Variants in RBFOX1 observed in about 807,000 individuals in gnomAD.
RBFOX1 encodes RNA binding protein fox-1 homolog 1.
Under a neutral mutation model 57.7 loss-of-function variants are expected in RBFOX1, and 8 were observed. The ratio of observed to expected loss-of-function variants is 0.14; its 90% CI spans 0.08 to 0.25. The LOEUF (loss-of-function observed/expected upper bound fraction) is 0.25, where lower values mean the gene tolerates loss of function less well. Ranked by LOEUF, RBFOX1 falls within the 10% of genes least tolerant of loss-of-function variation. The pLI, the probability that RBFOX1 is intolerant of heterozygous loss-of-function variation, is 1.00. For synonymous variants in RBFOX1, 326 were observed against 222.4 expected, an observed-to-expected ratio of 1.47 and a Z score of -4.15; for missense variants, 611 against 548.5, an observed-to-expected ratio of 1.11 and a Z score of -1.14.
chr16:7,255,326 G>C (rs1199931819), intron 4 of RBFOX1, among the ~76,000 whole-genome samples: 8 of 152,156 alleles, frequency 5.3e-5, no homozygotes, highest in African/African-American at 1.9e-4. Context: ...AGTACAAAAA[G>C]ATTTCGTTAA....
intron 1 of RBFOX1, among the ~76,000 whole-genome samples, chr16:5,249,572 G>A (rs2062393285): frequency 6.6e-6 from 1 of 152,332 alleles, no homozygotes; most frequent in Non-Finnish European, 1.5e-5. Context: ...TGGACTCTTG[G>A]AATTGGGCCA....
chr16:7,084,855 C>T (rs1262758533), intron 4 of RBFOX1, among the ~76,000 whole-genome samples: 1 of 152,014 alleles, frequency 6.6e-6, no homozygotes, highest in Non-Finnish European at 1.5e-5. Context: ...GTCTGTCTTT[C>T]TGTCTATCTA....
intron 3 of RBFOX1, among the ~76,000 whole-genome samples, chr16:6,907,923 G>C (rs560312509): frequency 6.6e-6 from 1 of 151,536 alleles, no homozygotes; most frequent in Non-Finnish European, 1.5e-5. Flanking sequence ...TTGTAGATAT[G>C]TCACCTGAAT....
At chr16:6,984,149 A>C (rs2089678047) in intron 3 of RBFOX1, among the ~76,000 whole-genome samples, 1 of 152,160 alleles carries the variant, frequency 6.6e-6, no homozygotes, top group African/African-American at 2.4e-5. Context: ...TGGGAGGCTG[A>C]GGCAGGACAA....
At chr16:7,474,926 T>C (rs996158600) in intron 4 of RBFOX1, among the ~76,000 whole-genome samples, 1 of 152,134 alleles carries the variant, frequency 6.6e-6, no homozygotes, top group Non-Finnish European at 1.5e-5. Flanking sequence ...ATTTATGGAG[T>C]GCCTGTGTTG....
intron 4 of RBFOX1, among the ~76,000 whole-genome samples, chr16:5,875,503 G>A (rs148838955): frequency 3.9e-4 from 60 of 152,350 alleles, no homozygotes; most frequent in African/African-American, 1.3e-3. Flanking sequence ...CTGAGAAGTG[G>A]AAAGGCATAC....
chr16:7,368,501 G>A (rs373829089), intron 4 of RBFOX1, among the ~76,000 whole-genome samples: 11 of 151,952 alleles, frequency 7.2e-5, no homozygotes, highest in African/African-American at 2.7e-4. Flanking sequence ...AATTGGAGCC[G>A]GGAACAGTGG....
chr16:5,681,877 T>A (rs1377410780), intron 3 of RBFOX1, among the ~76,000 whole-genome samples: 1 of 151,140 alleles, frequency 6.6e-6, no homozygotes, highest in Non-Finnish European at 1.5e-5. Flanking sequence ...TGAAGAAGAG[T>A]GAATATGAGT....
chr16:7,171,760 C>CTATG (rs1390263580), intron 4 of RBFOX1, among the ~76,000 whole-genome samples: 9 of 152,318 alleles, frequency 5.9e-5, no homozygotes, highest in African/African-American at 1.9e-4. Flanking sequence ...ATCAATCTGT[C>CTATG]TCCATACTTC....
At chr16:7,518,426 G>C (rs1405754799) in intron 5 of RBFOX1, 37 bp downstream of exon 5, 7 of 1,576,036 alleles carry the variant, frequency 4.4e-6, no homozygotes, top group Non-Finnish European at 5.2e-6. Context: ...GGAGGTTATG[G>C]GGAGGCGCCC....
At chr16:6,071,756 G>A (rs1025519457) in intron 1 of RBFOX1, among the ~76,000 whole-genome samples, 7 of 152,112 alleles carry the variant, frequency 4.6e-5, no homozygotes, top group African/African-American at 1.4e-4. Flanking sequence ...CCTCCCCGTG[G>A]CTCCTGGTTA....
At chr16:5,585,447 T>C (rs2029179) in intron 2 of RBFOX1, among the ~76,000 whole-genome samples, 43,352 of 152,092 alleles carry the variant, frequency 0.29, 9,050 homozygotes, top group African/African-American at 0.57. Context: ...TTGGGCTCTC[T>C]TGGGATTTTT....
chr16:6,385,210 T>C (rs1380341079), intron 2 of RBFOX1, among the ~76,000 whole-genome samples: 1 of 152,254 alleles, frequency 6.6e-6, no homozygotes, highest in Non-Finnish European at 1.5e-5. Flanking sequence ...CCAAGCTTTT[T>C]CGTATTTAAA....
At chr16:5,510,108 A>C (rs1490118119) in intron 2 of RBFOX1, among the ~76,000 whole-genome samples, 4 of 152,194 alleles carry the variant, frequency 2.6e-5, no homozygotes, top group Non-Finnish European at 5.9e-5. Context: ...CTCAGAATGG[A>C]TGCAGGCTGA....
At chr16:6,949,662 C>G (rs1015937475) in intron 3 of RBFOX1, among the ~76,000 whole-genome samples, 1 of 152,122 alleles carries the variant, frequency 6.6e-6, no homozygotes, top group Admixed American at 6.6e-5. Context: ...AATCCCCAAC[C>G]TTATGACCTC....
chr16:7,449,766 G>C (rs1376709609), intron 4 of RBFOX1, among the ~76,000 whole-genome samples: 1 of 129,554 alleles, frequency 7.7e-6, no homozygotes, highest in African/African-American at 2.8e-5. Flanking sequence ...TTTTGTTTTT[G>C]TTTTTTTCAC....
At chr16:6,704,728 T>G (rs1195994288) in intron 3 of RBFOX1, 1 of 152,162 alleles carries the variant, frequency 6.6e-6, no homozygotes, top group Non-Finnish European at 1.5e-5. Context: ...CAGAAATACA[T>G]GGAGGGATAA....
At chr16:5,851,106 T>G (rs181894822) in intron 3 of RBFOX1, among the ~76,000 whole-genome samples, 2 of 152,308 alleles carry the variant, frequency 1.3e-5, no homozygotes, top group Admixed American at 1.3e-4. Flanking sequence ...TTTGGTACAC[T>G]GTGCTGTGGA....
chr16:6,368,512 A>C (rs371223942), intron 2 of RBFOX1, among the ~76,000 whole-genome samples: 11 of 152,300 alleles, frequency 7.2e-5, no homozygotes, highest in African/African-American at 2.6e-4. Context: ...CTCTGCATCC[A>C]CATCTCCTTC....
Sources: allele counts gnomAD v4.1 joint callset (sites outside exome capture counted in the v4.1 genomes callset), GRCh38; gene constraint gnomAD v4.1.1; transcripts MANE v1.5; gene names NCBI Gene and HGNC (gene_info 2026-07-23, HGNC 2026-07-21).